SYNM: variants seen among roughly 807,000 people sequenced by gnomAD.
The protein encoded by SYNM is synemin.
In SYNM, 95 loss-of-function variants were observed where a neutral mutation model predicts 104.0. The observed-to-expected ratio is 0.91, with a 90% CI of 0.77 to 1.08. The LOEUF is 1.08. Among genes scored for constraint, SYNM ranks in the 50% least tolerant of loss-of-function variants. The probability of loss-of-function intolerance (pLI) is 0.00; values close to 1 mark genes in which losing one functional copy is unlikely to be tolerated. For synonymous variants in SYNM, 918 were observed against 869.0 expected, an observed-to-expected ratio of 1.06 and a Z score of -0.99; for missense variants, 2,150 against 2,052.2, an observed-to-expected ratio of 1.05 and a Z score of -0.92.
At position 99,105,626 on chromosome 15, in the gene SYNM, G is replaced by C; in HGVS notation, c.427G>C (p.Gly143Arg). The C allele has an allele frequency of 7.6e-7, 1 of 1,315,410 alleles. No homozygotes were observed. Among genetic ancestry groups the C allele is most frequent in the Non-Finnish European group, 9.7e-7 (1 of 1,032,636 alleles). 81.5% of individuals were successfully genotyped at this position (1,315,410 alleles called of 1,614,324 possible). Residue 143 changes from glycine to arginine, a missense_variant, in exon 1 of 4, where the codon GGC becomes CGC. Transcript: ENST00000336292. ...GGGCCGGCTGCAGGCCGAGCGCCGA[G>C]GCCTCGACGCGGCCCACGAACGCGA... ...LLGRLQAERR[G>R]LDAAHERDVR...
At chr15:99,120,219 G>T (rs2067387414) in intron 2 of SYNM, among the ~76,000 whole-genome samples, 1 of 152,220 alleles carries the variant, frequency 6.6e-6, no homozygotes, top group African/African-American at 2.4e-5. Context: ...GGAGCTGGAT[G>T]TACTGGGATG....
chr15:99,118,728 A>C (rs1023041099), intron 2 of SYNM, among the ~76,000 whole-genome samples: 13 of 152,190 alleles, frequency 8.5e-5, no homozygotes, highest in Admixed American at 2.0e-4. Context: ...AAGATAATAA[A>C]ATTAAAACAA....
Position 99,105,203 on chromosome 15 carries a change from C to T in SYNM, c.4C>T (p.Leu2=). Residue 2 remains leucine, a synonymous_variant, in exon 1 of 4, where the codon CTG becomes TTG. Coordinates refer to ENST00000336292, the MANE Select transcript of SYNM (RefSeq NM_145728.3). M[L]SWRLQTGPEK... is the part of the protein sequence containing the mutation. ...AGAACCCCGCACGCCCGGCAAGATG[C>T]TGTCCTGGCGGCTGCAGACGGGCCC... 1 of 1,573,380 alleles carries T rather than the reference C, an allele frequency of 6.4e-7. No individual in the cohort carries two copies. The highest frequency in any genetic ancestry group is 8.6e-7 in the Non-Finnish European group (1 of 1,161,960).
At chr15:99,125,993 G>A (rs1245148068) in intron 2 of SYNM, among the ~76,000 whole-genome samples, 1 of 152,196 alleles carries the variant, frequency 6.6e-6, no homozygotes, top group Non-Finnish European at 1.5e-5. Flanking sequence ...CTTTGGCGCA[G>A]ACATAGTCAA....
chr15:99,139,292 G>T, downstream of SYNM: 1 of 1,607,796 alleles, frequency 6.2e-7, no homozygotes, highest in Non-Finnish European at 8.5e-7. Context: ...ATGAGATAGA[G>T]AAAGTGTGAG....
At position 99,133,118 on chromosome 15, in the gene SYNM, C is replaced by T; in HGVS notation, c.*60C>T. The T allele has an allele frequency of 6.3e-7, 1 of 1,591,660 alleles. No homozygotes were observed. On this transcript the variant is annotated 3_prime_UTR_variant, in exon 4 of 4. Coordinates refer to ENST00000336292, the MANE Select transcript of SYNM (RefSeq NM_145728.3). ...TGGCGACGTGCCAACATCCAAAGGC[C>T]TTAACTTATTTTAAGAGGCCGAGGG...
intron 2 of SYNM, 133 bp downstream of exon 2, chr15:99,113,848 C>A: frequency 1.5e-6 from 2 of 1,366,222 alleles, no homozygotes; most frequent in African/African-American, 1.5e-5. Context: ...CAGCCCTTGG[C>A]ATGGCCAGGC....
At chr15:99,125,647 C>G (rs769496244) in intron 2 of SYNM, among the ~76,000 whole-genome samples, 130 of 152,236 alleles carry the variant, frequency 8.5e-4, no homozygotes, top group Non-Finnish European at 1.5e-5. Context: ...TGCCAAGTCC[C>G]TGCTCGGGTG....
Position 99,106,005 on chromosome 15 carries a change from G to T in SYNM, c.806G>T (p.Arg269Leu), listed in dbSNP as rs1555482752. ...REEYGIQAEE[R>L]QRVIDCLEDE... ...GAGTACGGGATACAGGCCGAGGAGC[G>T]GCAGGTCCGTGCGCGGGGATGGCGC... Residue 269 changes from arginine (R) to leucine (L), a missense_variant, in exon 1 of 4, where the codon CGG (arginine) becomes CTG (leucine). Coordinates refer to ENST00000336292, the MANE Select transcript of SYNM (RefSeq NM_145728.3). 2 of 1,458,646 alleles carry T rather than the reference G, an allele frequency of 1.4e-6. No individual in the cohort carries two copies. The highest frequency in any genetic ancestry group is 2.7e-5 in the East Asian group (1 of 37,170). The allele number at this position is 1,458,646 out of a possible 1,614,324, so 90.4% of individuals were successfully genotyped here.
intron 1 of SYNM, among the ~76,000 whole-genome samples, chr15:99,112,476 A>C (rs77674307): frequency 0.01 from 1,526 of 152,308 alleles, 26 homozygotes; most frequent in African/African-American, 0.035. Context: ...CATTTTGAGG[A>C]GGGTGATATG....
chr15:99,133,018 T>G lies in SYNM; in HGVS notation c.4658T>G (p.Leu1553Arg), dbSNP rs373139614. Reference sequence around the variant, plus strand: ...GAAAAGAAAGTTGCCCTCCTCTATCTAGACAATGAGGAGGAGGAGAATGAT... The same window carrying G: ...GAAAAGAAAGTTGCCCTCCTCTATCGAGACAATGAGGAGGAGGAGAATGAT... ...SDEKKVALLY[L>R]DNEEEENDGH... Residue 1553 changes from leucine to arginine, a missense_variant, in exon 4 of 4, where the codon CTA becomes CGA. Physicochemically the swap from Leu to Arg is moderately radical, Grantham distance 102 (BLOSUM62 -2). Transcript: ENST00000336292. 6.2e-7 allele frequency: 1 copy of G among 1,613,748 alleles called. No homozygotes were observed. The highest frequency in any genetic ancestry group is 2.2e-5 in the East Asian group (1 of 44,872).
At chr15:99,120,454 T>G (rs532813338) in intron 2 of SYNM, among the ~76,000 whole-genome samples, 2 of 152,316 alleles carry the variant, frequency 1.3e-5, no homozygotes, top group East Asian at 3.9e-4. Context: ...GTGTGGTATT[T>G]ATGACAGTGC....
Position 99,132,318 on chromosome 15 carries a change from A to G in SYNM, c.3958A>G (p.Thr1320Ala), listed in dbSNP as rs1555486095. The G allele has an allele frequency of 6.2e-7, 1 of 1,612,224 alleles. No homozygotes were observed. Among genetic ancestry groups the G allele is most frequent in the Admixed American group, 1.7e-5 (1 of 60,016 alleles). The change falls in exon 4 of 4, where the codon ACC becomes GCC. Residue 1320 changes from threonine to alanine, a missense_variant. Thr to Ala is a moderately conservative substitution (Grantham distance 58, BLOSUM62 0). Coordinates refer to ENST00000336292, the MANE Select transcript of SYNM (RefSeq NM_145728.3). Reference sequence around the variant, plus strand: ...CAGCATTGGGCCTCAGAGGCATCAGACCACCCAGCAGATAGTTTACCATGG... The same window carrying G: ...CAGCATTGGGCCTCAGAGGCATCAGGCCACCCAGCAGATAGTTTACCATGG... ...HISIGPQRHQ[T>A]TQQIVYHGLV...
At chr15:99,114,314 G>T (rs1490368534) in intron 2 of SYNM, among the ~76,000 whole-genome samples, 1 of 152,068 alleles carries the variant, frequency 6.6e-6, no homozygotes, top group African/African-American at 2.4e-5. Flanking sequence ...TAAAGCATCA[G>T]ATCTCATGAG....
At chr15:99,113,089 A>G (rs568444796) in intron 1 of SYNM, among the ~76,000 whole-genome samples, 1 of 152,350 alleles carries the variant, frequency 6.6e-6, no homozygotes, top group East Asian at 1.9e-4. Flanking sequence ...ATCTTAAAGT[A>G]GCTTTTCTAA....
At chr15:99,121,736 G>A (rs1298512226) in intron 2 of SYNM, among the ~76,000 whole-genome samples, 1 of 152,196 alleles carries the variant, frequency 6.6e-6, no homozygotes, top group Non-Finnish European at 1.5e-5. Flanking sequence ...GCAAGAAGCT[G>A]TTAGAAAACA....
chr15:99,138,162 C>G, downstream of SYNM: 6 of 1,607,232 alleles, frequency 3.7e-6, no homozygotes, highest in Non-Finnish European at 5.1e-6. Flanking sequence ...GAGTGTGGTG[C>G]CCCTCAGCCC....
At position 99,105,964 on chromosome 15, in the gene SYNM, G is replaced by A; in HGVS notation, c.765G>A (p.Leu255=). 11 of 1,515,964 alleles carry A rather than the reference G, an allele frequency of 7.3e-6. No individual in the cohort carries two copies. Among genetic ancestry groups the A allele is most frequent in the Non-Finnish European group, 7.9e-6 (9 of 1,138,594 alleles). The allele number at this position is 1,515,964 out of a possible 1,614,324, so 93.9% of individuals were successfully genotyped here. ...EQLRARLEDA[L]LRMREEYGIQ... Reference sequence around the variant, plus strand: ...TGCGCGCGCGGCTGGAGGACGCGCTGCTGCGGATGCGCGAGGAGTACGGGA... The same window carrying A: ...TGCGCGCGCGGCTGGAGGACGCGCTACTGCGGATGCGCGAGGAGTACGGGA... The change falls in exon 1 of 4, where the codon CTG becomes CTA. Residue 255 remains leucine (L), a synonymous_variant. Coordinates refer to ENST00000336292, the MANE Select transcript of SYNM (RefSeq NM_145728.3).
At position 99,129,595 on chromosome 15, in the gene SYNM, A is replaced by C; in HGVS notation, c.1235A>C (p.Glu412Ala). 1 of 1,613,978 alleles carries C rather than the reference A, an allele frequency of 6.2e-7. No homozygotes were observed. Among genetic ancestry groups the C allele is most frequent in the African/African-American group, 1.3e-5 (1 of 75,042 alleles). Residue 412 changes from glutamate to alanine, a missense_variant, in exon 4 of 4, where the codon GAA becomes GCA. Transcript: ENST00000336292. ...GYSSSATTQQ[E>A]NSYGKAVSSQ... ...TCTTCCTCGGCCACTACCCAGCAGG[A>C]AAACTCATACGGAAAAGCCGTCAGC...
Sources: gnomAD v4.1 joint callset for allele counts (sites outside exome capture counted in the v4.1 genomes callset) on GRCh38, gnomAD v4.1.1 for gene constraint, MANE v1.5 for transcripts, NCBI Gene and HGNC (gene_info 2026-07-23, HGNC 2026-07-21) for gene names.